MDFIC2: variants seen among roughly 807,000 people sequenced by gnomAD.
The protein encoded by MDFIC2 is MyoD family inhibitor domain containing 2.
intron 2 of MDFIC2, among the ~76,000 whole-genome samples, chr3:70,281,990 A>G (rs1474294882): frequency 6.6e-6 from 1 of 152,182 alleles, no homozygotes; most frequent in Non-Finnish European, 1.5e-5. Flanking sequence ...ATGGAAGTCC[A>G]CCTGGACAGA....
At chr3:70,233,704 T>C (rs969930269) in intron 2 of MDFIC2, among the ~76,000 whole-genome samples, 4 of 152,226 alleles carry the variant, frequency 2.6e-5, no homozygotes, top group African/African-American at 9.6e-5. Flanking sequence ...TACTACAGAT[T>C]GACTCAACTT....
chr3:70,270,741 C>T (rs746518997), intron 2 of MDFIC2, among the ~76,000 whole-genome samples: 6 of 152,066 alleles, frequency 3.9e-5, no homozygotes, highest in African/African-American at 4.8e-5. Flanking sequence ...TGCCAGGACA[C>T]GGTTGAAGCT....
At chr3:70,238,809 G>T (rs1325662416) in intron 2 of MDFIC2, among the ~76,000 whole-genome samples, 1 of 151,688 alleles carries the variant, frequency 6.6e-6, no homozygotes, top group Non-Finnish European at 1.5e-5. Flanking sequence ...TATCTAAACT[G>T]GTTAGGTTTC....
At chr3:70,202,000 C>T (rs1487731987) in intron 3 of MDFIC2, among the ~76,000 whole-genome samples, 1 of 152,188 alleles carries the variant, frequency 6.6e-6, no homozygotes, top group East Asian at 1.9e-4. Flanking sequence ...TTATCTCTCT[C>T]TGAATGTATA....
chr3:70,197,654 A>G (rs1334779786), intron 3 of MDFIC2, among the ~76,000 whole-genome samples: 1 of 152,228 alleles, frequency 6.6e-6, no homozygotes, highest in East Asian at 1.9e-4. Context: ...ATGGATTCCC[A>G]TAAATCTGCC....
intron 2 of MDFIC2, among the ~76,000 whole-genome samples, chr3:70,296,147 T>C (rs997723281): frequency 6.6e-6 from 1 of 152,184 alleles, no homozygotes; most frequent in Non-Finnish European, 1.5e-5. Context: ...ACATTTTCTT[T>C]ACTTTGTAAT....
intron 2 of MDFIC2, among the ~76,000 whole-genome samples, chr3:70,258,007 G>T (rs970214463): frequency 7.2e-5 from 11 of 152,196 alleles, no homozygotes; most frequent in African/African-American, 2.4e-4. Flanking sequence ...TGACAAAGAT[G>T]TCAAGGTAAT....
chr3:70,297,734 G>A (rs1702303737), intron 2 of MDFIC2, among the ~76,000 whole-genome samples: 1 of 151,956 alleles, frequency 6.6e-6, no homozygotes, highest in Non-Finnish European at 1.5e-5. Flanking sequence ...TGTGGGGTAT[G>A]TGTTAAGAAG....
At chr3:70,276,519 T>A (rs1702028157) in intron 2 of MDFIC2, among the ~76,000 whole-genome samples, 1 of 152,202 alleles carries the variant, frequency 6.6e-6, no homozygotes, top group African/African-American at 2.4e-5. Context: ...GAATTATGAT[T>A]CATTCCATGT....
chr3:70,204,646 C>G (rs951521195), intron 3 of MDFIC2: 1 of 150,098 alleles, frequency 6.7e-6, no homozygotes, highest in Admixed American at 6.7e-5. Flanking sequence ...GAGTAGTCAG[C>G]TATTTTCTTT....
At chr3:70,203,918 G>A (rs539430982) in intron 3 of MDFIC2, among the ~76,000 whole-genome samples, 1 of 152,120 alleles carries the variant, frequency 6.6e-6, no homozygotes, top group East Asian at 1.9e-4. Flanking sequence ...TAGTCCTCTG[G>A]ACACTTTCCA....
In MDFIC2 at chr3:70,196,691, T is replaced by C. The variant is rs537792205; in HGVS notation, c.*235A>G. Among the ~76,000 whole-genome samples, 51 of 152,324 alleles carry C rather than the reference T, an allele frequency of 3.3e-4. No individual in the cohort carries two copies. Among genetic ancestry groups the C allele is most frequent in the African/African-American group, 1.2e-3 (50 of 41,572 alleles). ...CATTTAAGAGGTATTTAAGATTTGT[T>C]CATCACATGTGATCAAGAATCTTAT... On this transcript the variant is annotated 3_prime_UTR_variant, in exon 4 of 4. Transcript: ENST00000567252.
intron 2 of MDFIC2, among the ~76,000 whole-genome samples, chr3:70,229,361 G>A (rs968559242): frequency 1.3e-5 from 2 of 152,084 alleles, no homozygotes; most frequent in East Asian, 1.9e-4. Flanking sequence ...TGGTATATCC[G>A]ATCCTTCAAA....
chr3:70,218,009 G>A (rs1701431126), intron 2 of MDFIC2, among the ~76,000 whole-genome samples: 1 of 152,116 alleles, frequency 6.6e-6, no homozygotes, highest in African/African-American at 2.4e-5. Context: ...ACAGGAGCGA[G>A]GGAACAGAGG....
intron 2 of MDFIC2, among the ~76,000 whole-genome samples, chr3:70,305,232 G>A (rs947220394): frequency 3.3e-5 from 5 of 150,414 alleles, no homozygotes; most frequent in South Asian, 2.1e-4. Flanking sequence ...TTTTTTTTCC[G>A]TCGGCTATGC....
chr3:70,204,326 C>T (rs978733755), intron 3 of MDFIC2, among the ~76,000 whole-genome samples: 2 of 152,132 alleles, frequency 1.3e-5, no homozygotes, highest in African/African-American at 4.8e-5. Flanking sequence ...ATTTCTGCAT[C>T]CTTAAATTAA....
intron 2 of MDFIC2, among the ~76,000 whole-genome samples, chr3:70,228,448 A>C (rs1425709841): frequency 6.6e-6 from 1 of 151,822 alleles, no homozygotes; most frequent in African/African-American, 2.4e-5. Context: ...TGCTTCACTG[A>C]TAGAGATTCA....
chr3:70,224,058 C>T (rs564816806), intron 2 of MDFIC2, among the ~76,000 whole-genome samples: 3 of 152,210 alleles, frequency 2.0e-5, no homozygotes, highest in East Asian at 1.9e-4. Context: ...TTCTTTATCA[C>T]AGTAGATACT....
intron 2 of MDFIC2, among the ~76,000 whole-genome samples, chr3:70,207,176 C>CT (rs1701299312): frequency 6.6e-6 from 1 of 151,716 alleles, no homozygotes; most frequent in Non-Finnish European, 1.5e-5. Flanking sequence ...ATGTGGTGGG[C>CT]AATACTGCTG....
Sources: gnomAD v4.1 joint callset for allele counts (sites outside exome capture counted in the v4.1 genomes callset) on GRCh38, gnomAD v4.1.1 for gene constraint, MANE v1.5 for transcripts, NCBI Gene and HGNC (gene_info 2026-07-23, HGNC 2026-07-21) for gene names.